Variants in SH3RF1 observed in about 807,000 individuals in gnomAD.
SH3RF1 encodes the protein SH3 domain containing ring finger 1.
Under a neutral mutation model 74.0 loss-of-function variants are expected in SH3RF1, and 32 were observed. That is an observed-to-expected ratio of 0.43 (90% confidence interval 0.33 to 0.58). The LOEUF (loss-of-function observed/expected upper bound fraction) is 0.58, where lower values mean the gene tolerates loss of function less well. Among genes scored for constraint, SH3RF1 ranks in the 20% least tolerant of loss-of-function variants. SH3RF1 has a pLI of 0.05. For synonymous variants in SH3RF1, 396 were observed against 439.6 expected, an observed-to-expected ratio of 0.90 and a Z score of 1.24; for missense variants, 954 against 1,130.9, an observed-to-expected ratio of 0.84 and a Z score of 2.24.
intron 2 of SH3RF1, among the ~76,000 whole-genome samples, chr4:169,232,051 C>T (rs1561059680): frequency 6.6e-6 from 1 of 152,192 alleles, no homozygotes; most frequent in African/African-American, 2.4e-5. Flanking sequence ...GTTAGGTAGA[C>T]AGGTACTGCA....
At chr4:169,137,936 T>C (rs1284383836) in intron 4 of SH3RF1, among the ~76,000 whole-genome samples, 1 of 152,212 alleles carries the variant, frequency 6.6e-6, no homozygotes, top group Non-Finnish European at 1.5e-5. Context: ...CATGACCATA[T>C]CTCTTCTTCA....
chr4:169,169,799 C>T (rs931324413), intron 2 of SH3RF1, among the ~76,000 whole-genome samples: 4 of 152,030 alleles, frequency 2.6e-5, no homozygotes, highest in African/African-American at 9.7e-5. Flanking sequence ...GTGATCAGGG[C>T]TCACTGAAGC....
intron 5 of SH3RF1, among the ~76,000 whole-genome samples, chr4:169,135,117 T>C (rs1035269870): frequency 1.3e-5 from 2 of 152,140 alleles, no homozygotes; most frequent in Admixed American, 6.6e-5. Flanking sequence ...GGATGTTCAC[T>C]TGAGGCCAAG....
chr4:169,100,754 C>T (rs1733007607), intron 11 of SH3RF1, among the ~76,000 whole-genome samples: 1 of 152,180 alleles, frequency 6.6e-6, no homozygotes, highest in African/African-American at 2.4e-5. Flanking sequence ...GTATGCGAAG[C>T]CCTTGGTGAT....
intron 2 of SH3RF1, among the ~76,000 whole-genome samples, chr4:169,157,195 A>G (rs902008972): frequency 6.6e-6 from 1 of 152,202 alleles, no homozygotes; most frequent in Non-Finnish European, 1.5e-5. Flanking sequence ...TCTTCCTGAT[A>G]TTGCTTTTAA....
chr4:169,225,388 C>A (rs1730641476), intron 2 of SH3RF1, among the ~76,000 whole-genome samples: 1 of 152,046 alleles, frequency 6.6e-6, no homozygotes, highest in Non-Finnish European at 1.5e-5. Flanking sequence ...AGATGGTGAC[C>A]CCTAAAGTCA....
At chr4:169,255,264 C>T (rs906652757) in intron 2 of SH3RF1, among the ~76,000 whole-genome samples, 2 of 152,196 alleles carry the variant, frequency 1.3e-5, no homozygotes, top group African/African-American at 4.8e-5. Flanking sequence ...TAAATAGAAA[C>T]TCCATTAAAA....
chr4:169,224,615 A>T (rs1165421468), intron 2 of SH3RF1, among the ~76,000 whole-genome samples: 2 of 152,156 alleles, frequency 1.3e-5, no homozygotes, highest in East Asian at 3.9e-4. Context: ...ACCACCACCG[A>T]CCTCTAATTT....
At chr4:169,244,233 G>A (rs1730958188) in intron 2 of SH3RF1, among the ~76,000 whole-genome samples, 1 of 151,982 alleles carries the variant, frequency 6.6e-6, no homozygotes, top group Non-Finnish European at 1.5e-5. Flanking sequence ...ATCATATTTG[G>A]CTGCCCTGCA....
chr4:169,113,487 T>G (rs1427137554), intron 10 of SH3RF1, among the ~76,000 whole-genome samples: 1 of 152,176 alleles, frequency 6.6e-6, no homozygotes, highest in African/African-American at 2.4e-5. Flanking sequence ...ACAAAAGATT[T>G]ATGAACATTT....
chr4:169,262,146 T>G (rs1731289099), intron 2 of SH3RF1, among the ~76,000 whole-genome samples: 1 of 152,126 alleles, frequency 6.6e-6, no homozygotes, highest in African/African-American at 2.4e-5. Flanking sequence ...TGAAGAGATT[T>G]CATAGATATA....
chr4:169,183,972 T>C (rs1448935716), intron 2 of SH3RF1, among the ~76,000 whole-genome samples: 1 of 152,218 alleles, frequency 6.6e-6, no homozygotes, highest in Non-Finnish European at 1.5e-5. Context: ...GAAGTTTTGT[T>C]TGTTTTTTAA....
At chr4:169,136,770 C>T (rs571636326) in intron 4 of SH3RF1, 150 bp from the exon 5 acceptor site, 11 of 628,694 alleles carry the variant, frequency 1.7e-5, no homozygotes, top group African/African-American at 1.1e-4. Context: ...TGTGAGATAT[C>T]TCTTCTCTCA....
intron 11 of SH3RF1, among the ~76,000 whole-genome samples, chr4:169,106,059 A>AT (rs1259698194): frequency 6.6e-6 from 1 of 151,728 alleles, no homozygotes; most frequent in Non-Finnish European, 1.5e-5. Flanking sequence ...ATATATATGT[A>AT]ATGTAAAATA....
intron 2 of SH3RF1, among the ~76,000 whole-genome samples, chr4:169,189,364 C>G (rs539570084): frequency 6.6e-6 from 1 of 152,300 alleles, no homozygotes; most frequent in Admixed American, 6.5e-5. Flanking sequence ...CTATTTTGAC[C>G]AGTCCCACAT....
intron 2 of SH3RF1, among the ~76,000 whole-genome samples, chr4:169,261,763 C>CA (rs1281076269): frequency 2.6e-5 from 4 of 151,932 alleles, no homozygotes; most frequent in Non-Finnish European, 4.4e-5. Flanking sequence ...AAAGAAAACA[C>CA]AAAAAAACCT....
At chr4:169,168,040 T>G (rs1734275087) in intron 2 of SH3RF1, among the ~76,000 whole-genome samples, 1 of 152,102 alleles carries the variant, frequency 6.6e-6, no homozygotes, top group African/African-American at 2.4e-5. Flanking sequence ...CTCAGGAGGC[T>G]AAGGTAGAAG....
chr4:169,139,555 C>T (rs979796050), intron 4 of SH3RF1, among the ~76,000 whole-genome samples: 1 of 152,144 alleles, frequency 6.6e-6, no homozygotes, highest in Non-Finnish European at 1.5e-5. Flanking sequence ...GTCTTCCTTC[C>T]TTCCAATAGA....
At chr4:169,245,514 C>T (rs907551818) in intron 2 of SH3RF1, among the ~76,000 whole-genome samples, 11 of 152,030 alleles carry the variant, frequency 7.2e-5, no homozygotes, top group African/African-American at 2.7e-4. Flanking sequence ...TGTCCTTATA[C>T]CAGGGGTAGC....
Sources: allele counts gnomAD v4.1 joint callset (sites outside exome capture counted in the v4.1 genomes callset), GRCh38; gene constraint gnomAD v4.1.1; transcripts MANE v1.5; gene names NCBI Gene and HGNC (gene_info 2026-07-23, HGNC 2026-07-21).